CAPN3: variants seen among roughly 807,000 people sequenced by gnomAD.
CAPN3 encodes the protein calpain-3.
In CAPN3, 88 loss-of-function variants were observed where a neutral mutation model predicts 114.0. That is an observed-to-expected ratio of 0.77 (90% CI 0.65 to 0.92). The LOEUF (loss-of-function observed/expected upper bound fraction) is 0.92. Ranked by LOEUF, CAPN3 falls within the 40% of genes least tolerant of loss-of-function variation. CAPN3 has a pLI of 0.00. For synonymous variants in CAPN3, 386 were observed against 382.9 expected, an observed-to-expected ratio of 1.01 and a Z score of -0.09; for missense variants, 1,028 against 1,069.0, an observed-to-expected ratio of 0.96 and a Z score of 0.53.
intron 2 of CAPN3, chr15:42,385,948 C>A (rs1010012468): frequency 4.2e-6 from 3 of 720,582 alleles, no homozygotes; most frequent in Non-Finnish European, 7.7e-6. Context: ...AATGTCTAGT[C>A]ACAAGGGAGT....
At chr15:42,405,004 C>T (rs936042824) in intron 14 of CAPN3, 8 of 988,246 alleles carry the variant, frequency 8.1e-6, no homozygotes, top group Admixed American at 5.9e-5. Context: ...TGCACTGACA[C>T]AGTTGTCTGC....
intron 1 of CAPN3, among the ~76,000 whole-genome samples, chr15:42,373,674 C>T (rs1051180175): frequency 2.6e-5 from 4 of 152,222 alleles, no homozygotes; most frequent in Admixed American, 2.6e-4. Context: ...CCACTGGGAC[C>T]TACTCTAACA....
chr15:42,406,030 T>C, intron 15 of CAPN3, 87 bp downstream of exon 15: 1 of 1,156,822 alleles, frequency 8.6e-7, no homozygotes, highest in Non-Finnish European at 1.3e-6. Flanking sequence ...TGAGCTCATA[T>C]GCATCCATGC....
At chr15:42,380,446 T>C (rs1389431633) in intron 1 of CAPN3, among the ~76,000 whole-genome samples, 1 of 142,172 alleles carries the variant, frequency 7.0e-6, no homozygotes, top group East Asian at 2.1e-4. Context: ...AGTGGTATGA[T>C]CTTGGCTCAC....
intron 9 of CAPN3, among the ~76,000 whole-genome samples, chr15:42,398,870 C>T (rs1490943060): frequency 2.0e-5 from 3 of 149,850 alleles, no homozygotes; most frequent in Non-Finnish European, 3.0e-5. Flanking sequence ...CTGCAACCTC[C>T]GCCTCCTGGG....
intron 1 of CAPN3, among the ~76,000 whole-genome samples, chr15:42,375,322 T>C (rs76954407): frequency 0.042 from 6,416 of 152,212 alleles, 415 homozygotes; most frequent in African/African-American, 0.13. Context: ...TTCATTCATG[T>C]GCTGTCGCTT....
intron 1 of CAPN3, among the ~76,000 whole-genome samples, chr15:42,382,304 T>C (rs190180206): frequency 6.6e-6 from 1 of 152,292 alleles, no homozygotes; most frequent in East Asian, 1.9e-4. Context: ...TCAATCAATA[T>C]GTAGTATTAA....
At chr15:42,377,700 T>C (rs1446206285) in intron 1 of CAPN3, among the ~76,000 whole-genome samples, 1 of 152,200 alleles carries the variant, frequency 6.6e-6, no homozygotes, top group African/African-American at 2.4e-5. Context: ...TTAGGAAGTG[T>C]TCCCTCTGCT....
In CAPN3 at chr15:42,412,247, C is replaced by T; in HGVS notation, c.*474C>T. On this transcript the variant is annotated 3_prime_UTR_variant, in exon 24 of 24. Coordinates refer to ENST00000397163, the MANE Select transcript of CAPN3 (RefSeq NM_000070.3). ...GTGGAATAGGGCTGGTTACTTTGGG[C>T]TGTCCAACTCATAAGTTTGGCTGCA... The T allele has an allele frequency of 2.1e-6, 3 of 1,446,682 alleles. No homozygotes were observed. In the South Asian group the frequency reaches 3.7e-5, roughly 18 times the overall value. The allele number at this position is 1,446,682 out of a possible 1,614,324, so 89.6% of individuals were successfully genotyped here. A position where few individuals can be genotyped will look rare whatever the true frequency, so the allele number is the denominator to read the frequency against.
In CAPN3 at chr15:42,366,828, C is replaced by CTTTTT. The variant is rs545010219; in HGVS notation, c.309+6721_309+6725dup. On this transcript the variant is annotated intron_variant, in intron 1 of 23. Transcript: ENST00000397163. ...CGACCCTCACAGAATTCTTTTTTTT[C>CTTTTT]TTTTTTTTTTTCTTTTTTTTTTTGA... Among the ~76,000 whole-genome samples, 388 of 127,742 alleles carry CTTTTT rather than the reference C, an allele frequency of 3.0e-3. 18 individuals carry two copies. The highest frequency in any genetic ancestry group is 5.0e-3 in the African/African-American group (147 of 29,152). 83.8% of individuals were successfully genotyped at this position (127,742 alleles called of 152,430 possible).
In CAPN3 at chr15:42,386,285, G is replaced by A. The variant is rs761027377; in HGVS notation, c.498G>A (p.Gln166=). 6.2e-7 allele frequency: 1 copy of A among 1,603,472 alleles called. No homozygotes were observed. Among genetic ancestry groups the A allele is most frequent in the East Asian group, 2.2e-5 (1 of 44,822 alleles). The change falls in exon 3 of 24, where the codon CAG becomes CAA. Residue 166 remains glutamine (Q), a splice_region_variant and synonymous_variant. Coordinates refer to ENST00000397163, the MANE Select transcript of CAPN3 (RefSeq NM_000070.3). ...IENYAGIFHF[Q]FWRYGEWVDV... is the part of the protein sequence containing the mutation. ...ACTACGCAGGGATCTTCCACTTCCA[G>A]GTGAGGTAATGAGAGTGTAGTTAAG...
At chr15:42,403,831 CATGCAGGGGACAGATG>C in intron 14 of CAPN3, 54 bp downstream of exon 14, 1 of 1,486,210 alleles carries the variant, frequency 6.7e-7, no homozygotes. Context: ...CTTCCCTGAC[CATGCAGGGGACAGATG>C]GTGCAGGGGA....
rs1230348982 is a variant in CAPN3, at chr15:42,404,686, G to C, written c.1782+909G>C. The C allele has an allele frequency of 3.4e-6, 4 of 1,184,986 alleles. No homozygotes were observed. In the African/African-American group the frequency reaches 6.4e-5, roughly 19 times the overall value. The allele number at this position is 1,184,986 out of a possible 1,614,324, so 73.4% of individuals were successfully genotyped here. Reference sequence around the variant, plus strand: ...GCCTTGGGGCTTTGGGCTGTAGTCAGCTGACAGTCCTTTGTGCTCTGTGGG... The same window carrying C: ...GCCTTGGGGCTTTGGGCTGTAGTCACCTGACAGTCCTTTGTGCTCTGTGGG... On this transcript the variant is annotated intron_variant, in intron 14 of 23. Coordinates refer to ENST00000397163, the MANE Select transcript of CAPN3 (RefSeq NM_000070.3).
At chr15:42,368,783 G>C (rs2052854482) in intron 1 of CAPN3, among the ~76,000 whole-genome samples, 1 of 152,172 alleles carries the variant, frequency 6.6e-6, no homozygotes, top group Admixed American at 6.5e-5. Context: ...TGGGCGTGGT[G>C]GCTCACACCT....
chr15:42,375,192 G>GAGT (rs1325737860), intron 1 of CAPN3, among the ~76,000 whole-genome samples: 1 of 151,770 alleles, frequency 6.6e-6, no homozygotes, highest in East Asian at 1.9e-4. Context: ...TGGGGTGGGA[G>GAGT]AGTAGAGTGG....
intron 1 of CAPN3, among the ~76,000 whole-genome samples, chr15:42,377,349 T>C (rs2053116623): frequency 6.6e-6 from 1 of 152,218 alleles, no homozygotes; most frequent in African/African-American, 2.4e-5. Flanking sequence ...CATTCTCCTC[T>C]CTTCCTAGTT....
At chr15:42,386,357 C>G (rs1241159701) in intron 3 of CAPN3, 72 bp downstream of exon 3, 3 of 1,067,800 alleles carry the variant, frequency 2.8e-6, no homozygotes, top group Non-Finnish European at 4.4e-6. Flanking sequence ...GCCTTGACTT[C>G]CCAGAAGCTG....
chr15:42,391,365 A>C (rs1381325337), intron 6 of CAPN3, among the ~76,000 whole-genome samples: 1 of 152,166 alleles, frequency 6.6e-6, no homozygotes, highest in East Asian at 1.9e-4. Flanking sequence ...TGATATGCTT[A>C]GGTAATGACA....
intron 14 of CAPN3, chr15:42,404,136 AAGTAAGC>A (rs1473358806): frequency 2.1e-6 from 1 of 470,256 alleles, no homozygotes; most frequent in Non-Finnish European, 4.2e-6. Context: ...AGAGAAAAGA[AAGTAAGC>A]TGGTGCCGGA....
Sources: allele counts gnomAD v4.1 joint callset (sites outside exome capture counted in the v4.1 genomes callset), GRCh38; gene constraint gnomAD v4.1.1; transcripts MANE v1.5; gene names NCBI Gene and HGNC (gene_info 2026-07-23, HGNC 2026-07-21).